The following CTC1 variants were observed in gnomAD, a reference collection of about 807,000 sequenced individuals.
CTC1 encodes CST telomere replication complex component 1, also known as CST complex subunit CTC1.
In CTC1, 91 loss-of-function variants were observed where a neutral mutation model predicts 136.3. That is an observed-to-expected ratio of 0.67 (90% CI 0.56 to 0.79). The LOEUF is 0.79. Ranked by LOEUF, CTC1 falls within the 30% of genes least tolerant of loss-of-function variation. The probability of loss-of-function intolerance (pLI) is 0.00; values close to 1 mark genes in which losing one functional copy is unlikely to be tolerated. For synonymous variants in CTC1, 606 were observed against 613.8 expected (o/e 0.99, Z 0.19); for missense variants, 1,432 against 1,498.1 (o/e 0.96, Z 0.73).
At chr17:8,246,450 A>C (rs888600320) in intron 1 of CTC1, among the ~76,000 whole-genome samples, 25 of 152,132 alleles carry the variant, frequency 1.6e-4, no homozygotes, top group African/African-American at 5.8e-4. Context: ...CATGCCCAAC[A>C]CTGAACTTTC....
At position 8,230,607 on chromosome 17, in the gene CTC1, C is replaced by T. The variant is rs769633789; in HGVS notation, c.2714G>A (p.Arg905Gln). 1.3e-5 allele frequency: 21 copies of T among 1,613,904 alleles called. No individual in the cohort carries two copies. Among genetic ancestry groups the T allele is most frequent in the African/African-American group, 5.3e-5 (4 of 74,840 alleles). The change falls in exon 16 of 23, where the codon CGG (arginine) becomes CAG (glutamine). Residue 905 changes from arginine (R) to glutamine (Q), a missense_variant. Transcript: ENST00000651323. Reference sequence around the variant, plus strand: ...CGCCACAAGGGGTTCACATAGTGTCCGTGACAAAATCTCAGCGGAGAAAGA... The same window carrying T: ...CGCCACAAGGGGTTCACATAGTGTCTGTGACAAAATCTCAGCGGAGAAAGA... Reference protein sequence around the residue: ...LVSFSAEILSRTLCEPLVASL... With the variant: ...LVSFSAEILSQTLCEPLVASL...
rs1987706031 is a variant in CTC1 at position 8,236,162 on chromosome 17, G to A, written c.973C>T (p.Pro325Ser). ...VQELELELEGPLLEADPKPLP... is the reference protein window; with the variant it reads ...VQELELELEGSLLEADPKPLP... ...GGCTTGGGGTCAGCCTCTAAGAGGGGTCCTTCCAGCTCCAGTTCCAGCTCC... is the reference window on the plus strand; with the variant it reads ...GGCTTGGGGTCAGCCTCTAAGAGGGATCCTTCCAGCTCCAGTTCCAGCTCC... The change falls in exon 6 of 23, where the codon CCC (proline) becomes TCC (serine). Residue 325 changes from proline (P) to serine (S), a missense_variant. Transcript: ENST00000651323. 2.5e-6 allele frequency: 4 copies of A among 1,614,200 alleles called. No homozygotes were observed. The South Asian group carries it at 4.4e-5, about 18-fold the overall frequency.
chr17:8,243,077 A>G lies in CTC1; in HGVS notation c.105T>C (p.Asn35=), dbSNP rs775601506. 1.6e-5 allele frequency: 26 copies of G among 1,613,982 alleles called. No individual in the cohort carries two copies. Among genetic ancestry groups the G allele is most frequent in the Non-Finnish European group, 2.2e-5 (26 of 1,179,966 alleles). Reference sequence around the variant, plus strand: ...CAATTACCAATGGAGTCAACTGGACATTAGGCTCCTTGACAGCTGGACACA... The same window carrying G: ...CAATTACCAATGGAGTCAACTGGACGTTAGGCTCCTTGACAGCTGGACACA... The part of the protein sequence containing the change: ...KTLCPAVKEP[N]VQLTPLVIDC... Residue 35 remains asparagine, a synonymous_variant, in exon 2 of 23, where the codon AAT becomes AAC. Transcript: ENST00000651323.
At position 8,242,995 on chromosome 17, in the gene CTC1, G is replaced by A; in HGVS notation, c.187C>T (p.Leu63Phe). The change falls in exon 2 of 23, where the codon CTC (leucine) becomes TTC (phenylalanine). Residue 63 changes from leucine to phenylalanine, a missense_variant. Coordinates refer to ENST00000651323, the MANE Select transcript of CTC1 (RefSeq NM_025099.6). ...GCCACCTCTCCTTACCTATAGCTGAGGGGCAGTGTAGAACCTTGGTTCCTT... is the reference window on the plus strand; with the variant it reads ...GCCACCTCTCCTTACCTATAGCTGAAGGGCAGTGTAGAACCTTGGTTCCTT... ...QGRNQGSTLP[L>F]SYSFVSVQDL... 1 of 1,612,118 alleles carries A rather than the reference G, an allele frequency of 6.2e-7. No homozygotes were observed.
At chr17:8,231,638 G>A in intron 14 of CTC1, 88 bp downstream of exon 14, 1 of 1,345,588 alleles carries the variant, frequency 7.4e-7, no homozygotes, top group Admixed American at 1.7e-5. Context: ...AGGAGGCCTA[G>A]AGAATGACCA....
Position 8,228,010 on chromosome 17 carries a change from T to C in CTC1, c.*170A>G, listed in dbSNP as rs952873045. 4 of 638,428 alleles carry C rather than the reference T, an allele frequency of 6.3e-6. No homozygotes were observed. Among genetic ancestry groups the C allele is most frequent in the African/African-American group, 5.5e-5 (3 of 54,944 alleles). 39.5% of individuals were successfully genotyped at this position (638,428 alleles called of 1,614,324 possible). On this transcript the variant is annotated 3_prime_UTR_variant, in exon 23 of 23. Coordinates refer to ENST00000651323, the MANE Select transcript of CTC1 (RefSeq NM_025099.6). Reference sequence around the variant, plus strand: ...CCATGATTTCCTGTTGCCACAATTTTGCCAAGGCAGGCTGGCACCAGAACA... The same window carrying C: ...CCATGATTTCCTGTTGCCACAATTTCGCCAAGGCAGGCTGGCACCAGAACA...
Position 8,232,894 on chromosome 17 carries a change from T to TG in CTC1, c.1945+11dup. ...CCCACTACCATCTTCTTTCCACATC[T>TG]GAACTCCAAACCTATCAGCCGTGGG... On this transcript the variant is annotated intron_variant, in intron 11 of 22. Transcript: ENST00000651323. 6.2e-7 allele frequency: 1 copy of TG among 1,613,486 alleles called. No individual in the cohort carries two copies. Among genetic ancestry groups the TG allele is most frequent in the Non-Finnish European group, 8.5e-7 (1 of 1,179,654 alleles).
At chr17:8,242,959 C>G in intron 2 of CTC1, 26 bp downstream of exon 2, 4 of 1,587,044 alleles carry the variant, frequency 2.5e-6, no homozygotes, top group Non-Finnish European at 3.4e-6. Flanking sequence ...CCCTGCCCAG[C>G]CCCCGCAACC....
chr17:8,242,545 AAAAAAAAAAT>A lies in CTC1; in HGVS notation c.197+430_197+439del, dbSNP rs1304409273. On this transcript the variant is annotated intron_variant, in intron 2 of 22. Coordinates refer to ENST00000651323, the MANE Select transcript of CTC1 (RefSeq NM_025099.6). ...GATAGTGTAGAGAGAAAAAAAAAAA[AAAAAAAAAAT>A]ATATATATATATATATATATATATA... 4.9e-3 allele frequency among the ~76,000 whole-genome samples: 464 copies of A among 94,892 alleles called. 1 individual carries two copies. Among genetic ancestry groups the A allele is most frequent in the African/African-American group, 0.015 (436 of 29,218 alleles). The allele number at this position is 94,892 out of a possible 152,430, so 62.3% of individuals were successfully genotyped here.
chr17:8,232,635 C>G, intron 11 of CTC1, 160 bp from the exon 12 acceptor site: 1 of 674,024 alleles, frequency 1.5e-6, no homozygotes, highest in South Asian at 1.8e-5. Context: ...AGGGGTGACA[C>G]CTTCTCTCCA....
rs1230856613 is a variant in CTC1 at position 8,236,272 on chromosome 17, A to T, written c.863T>A (p.Val288Glu). 1 of 1,613,754 alleles carries T rather than the reference A, an allele frequency of 6.2e-7. No individual in the cohort carries two copies. Among genetic ancestry groups the T allele is most frequent in the African/African-American group, 1.3e-5 (1 of 74,988 alleles). The change falls in exon 6 of 23, where the codon GTG becomes GAG. Residue 288 changes from valine (V) to glutamate (E), a missense_variant. Val to Glu is a moderately radical substitution (Grantham distance 121). Transcript: ENST00000651323. ...CTGGCGCTGACCACGGATCTTGGAC[A>T]CTCGCAGTTCTGTCAGCACATAGGC... Reference protein sequence around the residue: ...GTAYVLTELRVSKIRGQRQHV... With the variant: ...GTAYVLTELRESKIRGQRQHV...
At position 8,227,051 on chromosome 17, in the gene CTC1, T is replaced by C. The variant is rs370571497; in HGVS notation, c.*1129A>G. ...TTATTAGCACCACGCTCTAACCAAC[T>C]GAGCTAACCGGCCACTAACTTTCCG... On this transcript the variant is annotated 3_prime_UTR_variant, in exon 23 of 23. Transcript: ENST00000651323. 7.1e-4 allele frequency: 108 copies of C among 152,610 alleles called. No homozygotes were observed. Among genetic ancestry groups the C allele is most frequent in the South Asian group, 2.2e-3 (11 of 5,116 alleles). 9.5% of individuals were successfully genotyped at this position (152,610 alleles called of 1,614,324 possible). A position where few individuals can be genotyped will look rare whatever the true frequency, so the allele number is the denominator to read the frequency against.
chr17:8,231,514 C>T (rs1400534391), intron 14 of CTC1, 45 bp from the exon 15 acceptor site: 1 of 1,532,878 alleles, frequency 6.5e-7, no homozygotes, highest in African/African-American at 1.4e-5. Context: ...GTGTGCTAGT[C>T]CAGTGGGAGG....
At position 8,228,131 on chromosome 17, in the gene CTC1, C is replaced by T. The variant is rs753366370; in HGVS notation, c.*49G>A. ...TAGGGAGAGGAGCCAGGACCTAGGC[C>T]TTCAGGTTTTCAGCAAGGAAGGACT... On this transcript the variant is annotated 3_prime_UTR_variant, in exon 23 of 23. Transcript: ENST00000651323. The T allele has an allele frequency of 5.0e-6, 8 of 1,591,186 alleles. No individual in the cohort carries two copies. The highest frequency in any genetic ancestry group is 6.9e-6 in the Non-Finnish European group (8 of 1,160,794).
rs1214110165 is a variant in CTC1 at position 8,226,529 on chromosome 17, G to A, written c.*1651C>T. The A allele has an allele frequency of 6.6e-6, 1 of 152,186 alleles. No individual in the cohort carries two copies. The highest frequency in any genetic ancestry group is 2.4e-5 in the African/African-American group (1 of 41,434). 9.4% of individuals were successfully genotyped at this position (152,186 alleles called of 1,614,324 possible). A position where few individuals can be genotyped will look rare whatever the true frequency, so the allele number is the denominator to read the frequency against. On this transcript the variant is annotated 3_prime_UTR_variant, in exon 23 of 23. Transcript: ENST00000651323. ...CAAATTCTCGATTCTAGAGTTCCTA[G>A]ATGAGAGGTTTGGAGGGTGCCGACT...
At chr17:8,238,757 G>C (rs375030435) in intron 2 of CTC1, 128 bp from the exon 3 acceptor site, 2 of 681,542 alleles carry the variant, frequency 2.9e-6, no homozygotes, top group South Asian at 2.0e-5. Flanking sequence ...AGGTGAGTTT[G>C]ATTGATTAAA....
intron 3 of CTC1, 52 bp from the exon 4 acceptor site, chr17:8,238,294 C>A (rs1987919641): frequency 1.9e-6 from 3 of 1,562,992 alleles, no homozygotes; most frequent in Non-Finnish European, 2.6e-6. Flanking sequence ...TCCTATCCAC[C>A]CACCTCCCCG....
chr17:8,242,550 AAAAATATATATAT>A (rs1567620337), intron 2 of CTC1, among the ~76,000 whole-genome samples: 39 of 54,730 alleles, frequency 7.1e-4, no homozygotes, highest in Non-Finnish European at 1.7e-3. Flanking sequence ...AAAAAAAAAA[AAAAATATATATAT>A]ATATATATAT....
At chr17:8,235,396 C>T in intron 7 of CTC1, 111 bp from the exon 8 acceptor site, 1 of 774,420 alleles carries the variant, frequency 1.3e-6, no homozygotes, top group Non-Finnish European at 2.1e-6. Flanking sequence ...AGACGGAAAG[C>T]AATTTCTCCC....
Sources: allele counts gnomAD v4.1 joint callset (sites outside exome capture counted in the v4.1 genomes callset), GRCh38; gene constraint gnomAD v4.1.1; transcripts MANE v1.5; gene names NCBI Gene and HGNC (gene_info 2026-07-23, HGNC 2026-07-21).